RABGAP1: variants seen among roughly 807,000 people sequenced by gnomAD.
RABGAP1 encodes RAB GTPase activating protein 1.
A neutral mutation model predicts 137.6 loss-of-function variants in RABGAP1; 23 were observed. The ratio of observed to expected loss-of-function variants is 0.17; its 90% confidence interval spans 0.12 to 0.24. The LOEUF (loss-of-function observed/expected upper bound fraction) is 0.24. Among genes scored for constraint, RABGAP1 ranks in the 10% least tolerant of loss-of-function variants. The probability of loss-of-function intolerance (pLI) is 1.00; values close to 1 mark genes in which losing one functional copy is unlikely to be tolerated. For missense variants in RABGAP1, 906 were observed against 1,275.8 expected, an observed-to-expected ratio of 0.71 and a Z score of 4.42; for synonymous variants, 451 against 450.7, an observed-to-expected ratio of 1.00 and a Z score of -0.01.
chr9:122,983,793 G>A (rs1159553279), intron 2 of RABGAP1, among the ~76,000 whole-genome samples: 1 of 152,112 alleles, frequency 6.6e-6, no homozygotes, highest in Non-Finnish European at 1.5e-5. Flanking sequence ...CCTTGGCATT[G>A]GGCAGTCTCC....
intron 10 of RABGAP1, among the ~76,000 whole-genome samples, chr9:123,002,567 C>T (rs918694917): frequency 6.6e-6 from 1 of 151,392 alleles, no homozygotes. Context: ...CATGGGTTTA[C>T]AAGGTTTTGT....
intron 11 of RABGAP1, among the ~76,000 whole-genome samples, chr9:123,010,769 A>G (rs986555182): frequency 6.6e-6 from 1 of 152,214 alleles, no homozygotes; most frequent in Non-Finnish European, 1.5e-5. Flanking sequence ...CTTTTAAACA[A>G]TCAGTGTAGT....
chr9:122,997,217 C>G lies in RABGAP1; in HGVS notation c.1102-42C>G, dbSNP rs746284679. ...CAAGATGGGGGTTAACTGTTGTTCA[C>G]TCACTGTGGCATTCGGGTTTATTTT... On this transcript the variant is annotated intron_variant, in intron 8 of 25. Coordinates refer to ENST00000373647, the MANE Select transcript of RABGAP1 (RefSeq NM_012197.4). 5 of 1,470,932 alleles carry G rather than the reference C, an allele frequency of 3.4e-6. No homozygotes were observed. The South Asian group carries it at 6.1e-5, about 18-fold the overall frequency. The allele number at this position is 1,470,932 out of a possible 1,614,324, so 91.1% of individuals were successfully genotyped here.
intron 13 of RABGAP1, among the ~76,000 whole-genome samples, chr9:123,059,057 T>A (rs1298866851): frequency 6.6e-6 from 1 of 152,190 alleles, no homozygotes; most frequent in East Asian, 1.9e-4. Context: ...TGTGAAGTGG[T>A]CAGTATGAAG....
chr9:123,095,481 C>G (rs889945046), intron 21 of RABGAP1, among the ~76,000 whole-genome samples: 1 of 152,110 alleles, frequency 6.6e-6, no homozygotes, highest in African/African-American at 2.4e-5. Context: ...AGGAAGATTG[C>G]TTGAGCCCAA....
At chr9:122,970,953 C>T (rs1262860076) in intron 2 of RABGAP1, among the ~76,000 whole-genome samples, 1 of 152,172 alleles carries the variant, frequency 6.6e-6, no homozygotes, top group East Asian at 1.9e-4. Flanking sequence ...AAAGAGGGTA[C>T]TGAAAGCTGG....
At chr9:123,000,701 A>G (rs1281224292) in intron 10 of RABGAP1, among the ~76,000 whole-genome samples, 1 of 151,736 alleles carries the variant, frequency 6.6e-6, no homozygotes, top group African/African-American at 2.4e-5. Flanking sequence ...TAAAATATAG[A>G]TGGGGATTTG....
chr9:122,959,362 T>TCC (rs1834720183), intron 2 of RABGAP1, among the ~76,000 whole-genome samples: 1 of 6,692 alleles, frequency 1.5e-4, no homozygotes, highest in African/African-American at 5.0e-4. Flanking sequence ...TGTGGGGCTT[T>TCC]ACAAAAAAAA....
At chr9:122,952,733 C>T (rs557134134) in intron 1 of RABGAP1, among the ~76,000 whole-genome samples, 14 of 152,264 alleles carry the variant, frequency 9.2e-5, no homozygotes, top group African/African-American at 3.4e-4. Flanking sequence ...AAGACCCTGT[C>T]TCAAAAGTAA....
chr9:122,989,423 T>C lies in RABGAP1; in HGVS notation c.717T>C (p.Asn239=), dbSNP rs762566984. The change falls in exon 5 of 26, where the codon AAT becomes AAC. Residue 239 remains asparagine, a synonymous_variant. Transcript: ENST00000373647. ...TTGCTTTCACTGAAAGTCATTACAA[T>C]GCAGAGCTCTTCAGAATACACGTCT... ...DCFAFTESHY[N]AELFRIHVFR... 1.9e-6 allele frequency: 3 copies of C among 1,614,014 alleles called. No individual in the cohort carries two copies. The highest frequency in any genetic ancestry group is 2.7e-5 in the African/African-American group (2 of 74,938).
At chr9:123,044,497 A>G (rs10818779) in intron 13 of RABGAP1, among the ~76,000 whole-genome samples, 16,600 of 152,172 alleles carry the variant, frequency 0.11, 2,923 homozygotes, top group African/African-American at 0.37. Context: ...CTGTATCACT[A>G]CGCCTCCATA....
intron 13 of RABGAP1, among the ~76,000 whole-genome samples, chr9:123,053,503 T>C (rs2033573072): frequency 1.3e-5 from 2 of 152,214 alleles, no homozygotes; most frequent in African/African-American, 4.8e-5. Flanking sequence ...TTTAGGGGAT[T>C]TTAAAAACTT....
At chr9:123,033,576 C>G (rs2131986512) in intron 13 of RABGAP1, 1 of 152,050 alleles carries the variant, frequency 6.6e-6, no homozygotes, top group Middle Eastern at 3.4e-3. Context: ...CCCTTTCTTC[C>G]TTTTCCCAAG....
Position 123,020,578 on chromosome 9 carries a change from T to C in RABGAP1, c.1794+119T>C, listed in dbSNP as rs868732288. ...TTATTAATTTATTTAAGAATAGAACTGTTAATACTTCCAGCTCTAACATGT... is the reference window on the plus strand; with the variant it reads ...TTATTAATTTATTTAAGAATAGAACCGTTAATACTTCCAGCTCTAACATGT... On this transcript the variant is annotated intron_variant, in intron 13 of 25. Transcript: ENST00000373647. 2.0e-5 allele frequency: 21 copies of C among 1,027,352 alleles called. 3 individuals are homozygous for C. The Middle Eastern group carries it at 6.0e-3, about 296-fold the overall frequency. The allele number at this position is 1,027,352 out of a possible 1,614,324, so 63.6% of individuals were successfully genotyped here.
intron 19 of RABGAP1, among the ~76,000 whole-genome samples, chr9:123,079,239 G>GTTTTTTTTTTT (rs56098560): frequency 1.9e-5 from 2 of 106,702 alleles, no homozygotes; most frequent in African/African-American, 5.8e-5. Context: ...GTTTTGTTTT[G>GTTTTTTTTTTT]TTTTTTTTTT....
At chr9:122,976,346 T>G (rs982371799) in intron 2 of RABGAP1, among the ~76,000 whole-genome samples, 1 of 152,228 alleles carries the variant, frequency 6.6e-6, no homozygotes, top group African/African-American at 2.4e-5. Context: ...TTTTTTGTCT[T>G]CATATTTGTG....
At position 122,994,202 on chromosome 9, in the gene RABGAP1, G is replaced by A. The variant is rs1836900021; in HGVS notation, c.924-1839G>A. Among the ~76,000 whole-genome samples, 3 of 152,054 alleles carry A rather than the reference G, an allele frequency of 2.0e-5. No homozygotes were observed. The South Asian group carries it at 6.2e-4, about 31-fold the overall frequency. On this transcript the variant is annotated intron_variant, in intron 6 of 25. Transcript: ENST00000373647. Reference sequence around the variant, plus strand: ...TTATTAGACCAGAAATATGATCTAGGACCCTGACATTCAGTGAGGTGAACA... The same window carrying A: ...TTATTAGACCAGAAATATGATCTAGAACCCTGACATTCAGTGAGGTGAACA...
chr9:122,969,802 A>G (rs1343744372), intron 2 of RABGAP1, among the ~76,000 whole-genome samples: 1 of 152,136 alleles, frequency 6.6e-6, no homozygotes, highest in Non-Finnish European at 1.5e-5. Flanking sequence ...CTGGCCTCAA[A>G]TGATCCTCCC....
At chr9:123,094,237 T>G (rs1256787601) in intron 21 of RABGAP1, among the ~76,000 whole-genome samples, 2 of 152,228 alleles carry the variant, frequency 1.3e-5, no homozygotes, top group African/African-American at 4.8e-5. Flanking sequence ...TCTCTTTTTC[T>G]TGTCTCACTG....
Sources: allele counts gnomAD v4.1 joint callset (sites outside exome capture counted in the v4.1 genomes callset), GRCh38; gene constraint gnomAD v4.1.1; transcripts MANE v1.5; gene names NCBI Gene and HGNC (gene_info 2026-07-23, HGNC 2026-07-21).